HIP1: variants seen among roughly 807,000 people sequenced by gnomAD.
HIP1 encodes huntingtin-interacting protein 1.
In HIP1, 65 loss-of-function variants were observed where a neutral mutation model predicts 147.6. The ratio of observed to expected loss-of-function variants is 0.44; its 90% CI spans 0.36 to 0.54. HIP1 has a LOEUF of 0.54. Among genes scored for constraint, HIP1 ranks in the 20% least tolerant of loss-of-function variants. HIP1 has a pLI of 0.00. For missense variants in HIP1, 1,061 were observed against 1,299.6 expected (o/e 0.82, Z 2.82); for synonymous variants, 479 against 504.0 (o/e 0.95, Z 0.67).
At chr7:75,642,903 G>C (rs1798692299) in intron 1 of HIP1, among the ~76,000 whole-genome samples, 1 of 152,166 alleles carries the variant, frequency 6.6e-6, no homozygotes, top group African/African-American at 2.4e-5. Flanking sequence ...GGCCTCACTG[G>C]TCTTTGCATC....
At position 75,545,192 on chromosome 7, in the gene HIP1, G is replaced by A; in HGVS notation, c.2560-4C>T. On this transcript the variant is annotated splice_region_variant and splice_polypyrimidine_tract_variant and intron_variant, in intron 25 of 30. Transcript: ENST00000336926. ...ACTCTTTAGGGGATGCTGTACCCTA[G>A]GGAAATAAAAAATAGTAATAGCCAC... 15 of 1,573,258 alleles carry A rather than the reference G, an allele frequency of 9.5e-6. No homozygotes were observed. The highest frequency in any genetic ancestry group is 1.3e-5 in the Non-Finnish European group (15 of 1,145,712).
chr7:75,709,559 G>A (rs919052322), intron 1 of HIP1, among the ~76,000 whole-genome samples: 1 of 152,104 alleles, frequency 6.6e-6, no homozygotes, highest in Non-Finnish European at 1.5e-5. Flanking sequence ...TTGCTTATTG[G>A]TTTTAACAGA....
intron 1 of HIP1, among the ~76,000 whole-genome samples, chr7:75,704,678 G>C (rs1563303849): frequency 1.3e-5 from 2 of 152,108 alleles, no homozygotes; most frequent in Admixed American, 6.6e-5. Context: ...CACCTCCCAG[G>C]TTCAAGCGAT....
Position 75,548,896 on chromosome 7 carries a change from T to C in HIP1, c.2401A>G (p.Ile801Val), listed in dbSNP as rs1554491540. 1.9e-6 allele frequency: 3 copies of C among 1,611,730 alleles called. No individual in the cohort carries two copies. The highest frequency in any genetic ancestry group is 1.1e-5 in the South Asian group (1 of 91,036). ...SAAIETATARIEEMLSKSRAG... is the reference protein window; with the variant it reads ...SAAIETATARVEEMLSKSRAG... ...ATCCTGCAGGAACCTCCTACCTCTA[T>C]TCTGGCCGTGGCAGTTTCAATAGCA... Residue 801 changes from isoleucine to valine, a missense_variant, in exon 23 of 31, where the codon ATA becomes GTA. Transcript: ENST00000336926.
intron 2 of HIP1, among the ~76,000 whole-genome samples, chr7:75,595,760 A>AG (rs1330135189): frequency 6.6e-6 from 1 of 152,108 alleles, no homozygotes; most frequent in African/African-American, 2.4e-5. Flanking sequence ...CCATTCAGGG[A>AG]GAAAAAAAAG....
chr7:75,545,919 G>A (rs1186205143), intron 25 of HIP1, among the ~76,000 whole-genome samples: 4 of 152,058 alleles, frequency 2.6e-5, no homozygotes, highest in South Asian at 2.1e-4. Context: ...CTAGCCTGGC[G>A]ACAGAGCGAG....
chr7:75,705,487 C>G (rs1225331352), intron 1 of HIP1, among the ~76,000 whole-genome samples: 1 of 151,992 alleles, frequency 6.6e-6, no homozygotes, highest in Non-Finnish European at 1.5e-5. Flanking sequence ...CCTGCCTCAG[C>G]CTCCTGAGTA....
At chr7:75,676,804 G>T (rs1799909905) in intron 1 of HIP1, among the ~76,000 whole-genome samples, 1 of 147,212 alleles carries the variant, frequency 6.8e-6, no homozygotes, top group Non-Finnish European at 1.5e-5. Flanking sequence ...GCCCCCCATG[G>T]ACATCTCATT....
intron 9 of HIP1, among the ~76,000 whole-genome samples, chr7:75,566,214 G>T (rs1377977966): frequency 6.6e-6 from 1 of 150,536 alleles, no homozygotes; most frequent in Admixed American, 6.6e-5. Flanking sequence ...TAGAGACGGG[G>T]TTTCACCATG....
chr7:75,552,025 G>A (rs1221490097), intron 22 of HIP1, among the ~76,000 whole-genome samples: 2 of 152,088 alleles, frequency 1.3e-5, no homozygotes, highest in Non-Finnish European at 2.9e-5. Context: ...AAGTAGCTGG[G>A]ATTACAGGCG....
chr7:75,734,245 CAAATAAATAAATAAATAAAT>C (rs57376870), intron 1 of HIP1, among the ~76,000 whole-genome samples: 8 of 140,230 alleles, frequency 5.7e-5, no homozygotes, highest in Admixed American at 1.4e-4. Flanking sequence ...GACTCTGTCT[CAAATAAATAAATAAATAAAT>C]AAATAAATAA....
At chr7:75,630,727 A>G (rs587688485) in intron 1 of HIP1, among the ~76,000 whole-genome samples, 1 of 152,050 alleles carries the variant, frequency 6.6e-6, no homozygotes, top group Non-Finnish European at 1.5e-5. Flanking sequence ...AGGCTGACAC[A>G]TGCCCCATCC....
At chr7:75,569,467 A>C (rs1795529873) in intron 8 of HIP1, among the ~76,000 whole-genome samples, 1 of 152,036 alleles carries the variant, frequency 6.6e-6, no homozygotes, top group Non-Finnish European at 1.5e-5. Context: ...AAAATTAGCC[A>C]GGTGTGGTGA....
chr7:75,595,618 A>G (rs1554501850), intron 2 of HIP1, among the ~76,000 whole-genome samples: 4 of 152,048 alleles, frequency 2.6e-5, no homozygotes, highest in Non-Finnish European at 5.9e-5. Flanking sequence ...TTCTGGGATT[A>G]CAGGTGTGAG....
At chr7:75,596,671 C>T (rs956732024) in intron 2 of HIP1, among the ~76,000 whole-genome samples, 2 of 152,204 alleles carry the variant, frequency 1.3e-5, no homozygotes, top group African/African-American at 4.8e-5. Flanking sequence ...TAGGCATGAG[C>T]CACCACACCT....
At chr7:75,734,118 C>T (rs1017996491) in intron 1 of HIP1, among the ~76,000 whole-genome samples, 1 of 151,756 alleles carries the variant, frequency 6.6e-6, no homozygotes, top group African/African-American at 2.4e-5. Context: ...TGGTGGCGCT[C>T]GCCTGTAATC....
Position 75,553,572 on chromosome 7 carries a change from T to G in HIP1, c.2176A>C (p.Lys726Gln), listed in dbSNP as rs782610938. 3.7e-6 allele frequency: 6 copies of G among 1,613,968 alleles called. No homozygotes were observed. Among genetic ancestry groups the G allele is most frequent in the Non-Finnish European group, 4.2e-6 (5 of 1,179,956 alleles). Reference protein sequence around the residue: ...EPADSLTEACKQYGRETLAYL... With the variant: ...EPADSLTEACQQYGRETLAYL... ...GCGAGGGTTTCCCTGCCATACTGCT[T>G]ACAGGCCTCGGTCAGTGCTGGAGAT... Residue 726 changes from lysine to glutamine, a missense_variant, in exon 22 of 31, where the codon AAG becomes CAG. Physicochemically the swap from Lys to Gln is moderately conservative, Grantham distance 53 (BLOSUM62 1). Transcript: ENST00000336926.
chr7:75,700,041 G>C (rs1800772418), intron 1 of HIP1, among the ~76,000 whole-genome samples: 1 of 152,160 alleles, frequency 6.6e-6, no homozygotes, highest in South Asian at 2.1e-4. Context: ...AGTAGAGATA[G>C]GGTTTTGCCA....
chr7:75,656,720 G>A (rs566381188), intron 1 of HIP1, among the ~76,000 whole-genome samples: 4 of 152,186 alleles, frequency 2.6e-5, no homozygotes, highest in South Asian at 2.1e-4. Context: ...CAGGTGATCC[G>A]CCTGCCTCAG....
Sources: allele counts gnomAD v4.1 joint callset (sites outside exome capture counted in the v4.1 genomes callset), GRCh38; gene constraint gnomAD v4.1.1; transcripts MANE v1.5; gene names NCBI Gene and HGNC (gene_info 2026-07-23, HGNC 2026-07-21).